Variants in PMPCB observed in about 807,000 individuals in gnomAD.
PMPCB encodes peptidase, mitochondrial processing subunit beta.
In PMPCB, 46 loss-of-function variants were observed where a neutral mutation model predicts 61.5. The observed-to-expected ratio is 0.75, with a 90% CI of 0.59 to 0.96. PMPCB has a LOEUF of 0.96. Among genes scored for constraint, PMPCB ranks in the 40% least tolerant of loss-of-function variants. The pLI, the probability that PMPCB is intolerant of heterozygous loss-of-function variation, is 0.00. For missense variants in PMPCB, 590 were observed against 602.4 expected, an observed-to-expected ratio of 0.98 and a Z score of 0.22; for synonymous variants, 191 against 201.6, an observed-to-expected ratio of 0.95 and a Z score of 0.44.
intron 12 of PMPCB, among the ~76,000 whole-genome samples, chr7:103,322,297 AT>A (rs920015659): frequency 1.3e-5 from 2 of 152,308 alleles, no homozygotes; most frequent in African/African-American, 4.8e-5. Context: ...TAAGCATAAT[AT>A]TAAAGGAACT....
At chr7:103,344,930 G>C in the PMPCB span, 1 of 550,018 alleles carries the variant, frequency 1.8e-6, no homozygotes, top group East Asian at 3.0e-5. Flanking sequence ...CCTGTAAAAA[G>C]GATTATATTC....
intron 12 of PMPCB, chr7:103,327,528 A>G: frequency 1.4e-6 from 1 of 730,064 alleles, no homozygotes; most frequent in South Asian, 1.9e-5. Flanking sequence ...AGAACTTGAT[A>G]TAACTAAAAT....
At chr7:103,323,538 C>T in intron 12 of PMPCB, 2 of 1,368,090 alleles carry the variant, frequency 1.5e-6, no homozygotes, top group Non-Finnish European at 1.9e-6. Context: ...ATTTTTACAT[C>T]ATCACAAATA....
At chr7:103,346,180 T>C in the PMPCB span, among the ~76,000 whole-genome samples, 4 of 152,188 alleles carry the variant, frequency 2.6e-5, no homozygotes, top group African/African-American at 9.7e-5. Context: ...TCGCCCAGGC[T>C]GGAGTGCAGT....
At chr7:103,322,706 C>A (rs773765125) in intron 12 of PMPCB, 1 of 1,612,592 alleles carries the variant, frequency 6.2e-7, no homozygotes, top group Non-Finnish European at 8.5e-7. Flanking sequence ...TACTTACCAA[C>A]TAATGTTCTT....
At chr7:103,323,026 T>A (rs1175469364) in intron 12 of PMPCB, among the ~76,000 whole-genome samples, 1 of 151,944 alleles carries the variant, frequency 6.6e-6, no homozygotes, top group Non-Finnish European at 1.5e-5. Flanking sequence ...GCCTCCCAGG[T>A]TCAAGTGAGT....
Position 103,314,249 on chromosome 7 carries a change from T to A in PMPCB, c.*1978T>A. The A allele has an allele frequency of 2.0e-6, 2 of 985,454 alleles. No individual in the cohort carries two copies. Among genetic ancestry groups the A allele is most frequent in the Non-Finnish European group, 2.4e-6 (2 of 829,920 alleles). 61.0% of individuals were successfully genotyped at this position (985,454 alleles called of 1,614,324 possible). ...ATGGAAGTGACATGGCAGTATTTCC[T>A]GCTGTTCTCCAGTTACTTCACAATA... On this transcript the variant is annotated 3_prime_UTR_variant, in exon 13 of 13. Transcript: ENST00000249269.
chr7:103,325,468 A>C, intron 12 of PMPCB, among the ~76,000 whole-genome samples: 1 of 152,084 alleles, frequency 6.6e-6, no homozygotes, highest in East Asian at 1.9e-4. Context: ...AAAACCAAAA[A>C]ACAGGTGAAA....
intron 12 of PMPCB, among the ~76,000 whole-genome samples, chr7:103,324,150 A>G (rs566825721): frequency 9.4e-4 from 143 of 152,366 alleles, no homozygotes; most frequent in Non-Finnish European, 1.6e-3. Flanking sequence ...CATATTAAAA[A>G]TTAGTGAATT....
At chr7:103,319,145 AAAAC>A (rs1204921926), downstream of PMPCB, among the ~76,000 whole-genome samples, 1 of 152,042 alleles carries the variant, frequency 6.6e-6, no homozygotes, top group South Asian at 2.1e-4. Context: ...CTCAAAAACA[AAAAC>A]AAAAACAGGC....
At chr7:103,306,762 T>G (rs1268003777) in intron 6 of PMPCB, among the ~76,000 whole-genome samples, 1 of 152,092 alleles carries the variant, frequency 6.6e-6, no homozygotes, top group Non-Finnish European at 1.5e-5. Flanking sequence ...TTATTTAATT[T>G]TATTTATTTT....
At chr7:103,317,195 G>C (rs112564794), downstream of PMPCB, 2 of 583,908 alleles carry the variant, frequency 3.4e-6, no homozygotes. Context: ...AGTCTGCATA[G>C]GTCTGCCTGA....
At chr7:103,344,146 G>C in the PMPCB span, 2 of 189,242 alleles carry the variant, frequency 1.1e-5, no homozygotes, top group Non-Finnish European at 2.2e-5. Flanking sequence ...CAAACGTAGA[G>C]AGGGAGAAAG....
At chr7:103,304,833 C>T (rs1358212977) in intron 6 of PMPCB, among the ~76,000 whole-genome samples, 1 of 152,004 alleles carries the variant, frequency 6.6e-6, no homozygotes, top group Non-Finnish European at 1.5e-5. Flanking sequence ...GTGACATGCG[C>T]CTGTAGTCCC....
At chr7:103,298,027 T>G in intron 1 of PMPCB, 1 of 852,406 alleles carries the variant, frequency 1.2e-6, no homozygotes, top group Non-Finnish European at 1.5e-6. Flanking sequence ...GTGAGACTTT[T>G]GTATAAGGGC....
Position 103,310,305 on chromosome 7 carries a change from T to G in PMPCB, c.994-10T>G. 1 of 1,607,316 alleles carries G rather than the reference T, an allele frequency of 6.2e-7. No individual in the cohort carries two copies. Among genetic ancestry groups the G allele is most frequent in the South Asian group, 1.1e-5 (1 of 89,824 alleles). On this transcript the variant is annotated splice_polypyrimidine_tract_variant and intron_variant, in intron 8 of 12. Coordinates refer to ENST00000249269, the MANE Select transcript of PMPCB (RefSeq NM_004279.3). ...ATTAAAATTCTCTTGGAATTTTTTTTTCCTTGCAGAATTTATCTAGCAAGC... is the reference window on the plus strand; with the variant it reads ...ATTAAAATTCTCTTGGAATTTTTTTGTCCTTGCAGAATTTATCTAGCAAGC...
intron 12 of PMPCB, chr7:103,327,567 G>A (rs1586094069): frequency 1.2e-6 from 1 of 836,720 alleles, no homozygotes; most frequent in East Asian, 2.6e-5. Flanking sequence ...ATAGTTGAAT[G>A]AACTACAGTA....
chr7:103,333,200 A>T (rs1819042028), downstream of PMPCB, among the ~76,000 whole-genome samples: 1 of 152,152 alleles, frequency 6.6e-6, no homozygotes, highest in African/African-American at 2.4e-5. Flanking sequence ...CCAGTTTGGG[A>T]TACTGTCTTA....
chr7:103,342,745 A>T, the PMPCB span, among the ~76,000 whole-genome samples: 1 of 150,874 alleles, frequency 6.6e-6, no homozygotes, highest in Non-Finnish European at 1.5e-5. Flanking sequence ...AGTAGCTGGG[A>T]CTACAGGCAC....
Sources: allele counts gnomAD v4.1 joint callset (sites outside exome capture counted in the v4.1 genomes callset), GRCh38; gene constraint gnomAD v4.1.1; transcripts MANE v1.5; gene names NCBI Gene and HGNC (gene_info 2026-07-23, HGNC 2026-07-21).